Variants in TJAP1 observed in about 807,000 individuals in gnomAD.
TJAP1 encodes tight junction-associated protein 1.
TJAP1 carries 27 observed loss-of-function variants against 42.0 expected under a neutral mutation model. That is an observed-to-expected ratio of 0.64 (90% CI 0.47 to 0.89). The LOEUF is 0.89. TJAP1 is among the 40% of genes least tolerant of loss of function. TJAP1 has a pLI of 0.00. For missense variants in TJAP1, 712 were observed against 726.9 expected (o/e 0.98, Z 0.24); for synonymous variants, 257 against 288.4 (o/e 0.89, Z 1.10).
chr6:43,481,385 C>T (rs894153542), intron 2 of TJAP1, among the ~76,000 whole-genome samples: 1 of 151,690 alleles, frequency 6.6e-6, no homozygotes, highest in African/African-American at 2.4e-5. Context: ...GTATAAGGCT[C>T]ATTTCTGACT....
chr6:43,495,351 G>T lies in TJAP1; in HGVS notation c.-121-2530G>T, dbSNP rs767554753. On this transcript the variant is annotated intron_variant, in intron 2 of 10. Coordinates refer to ENST00000372449, the Ensembl canonical transcript of TJAP1. This position sits in a 1 kb window ranked among gnomAD's most constrained non-coding sequence, Gnocchi z 4.6. ...AGGACTGTGGGCTGCCAGGCCCGTTGTATTCCTGTTCATTGCTGGAACTGT... is the reference window on the plus strand; with the variant it reads ...AGGACTGTGGGCTGCCAGGCCCGTTTTATTCCTGTTCATTGCTGGAACTGT... 6.6e-6 allele frequency among the ~76,000 whole-genome samples: 1 copy of T among 152,256 alleles called. No homozygotes were observed. The highest frequency in any genetic ancestry group is 1.5e-5 in the Non-Finnish European group (1 of 68,032).
Position 43,503,867 on chromosome 6 carries a change from G to A in TJAP1, c.579+161G>A, listed in dbSNP as rs750171568. 8.2e-6 allele frequency: 6 copies of A among 733,816 alleles called. No homozygotes were observed. In the African/African-American group the frequency reaches 1.0e-4, roughly 13 times the overall value. The allele number at this position is 733,816 out of a possible 1,614,324, so 45.5% of individuals were successfully genotyped here. A position where few individuals can be genotyped will look rare whatever the true frequency, so the allele number is the denominator to read the frequency against. ...AAGCCAGTCAACTCTGCCACTGGTT[G>A]GTGTCCCGTGTACTGTCCAGGGCCC... On this transcript the variant is annotated intron_variant, in intron 10 of 10. Transcript: ENST00000372449.
chr6:43,504,621 T>C (rs1186525187), intron 10 of TJAP1, 140 bp from the exon 11 acceptor site: 4 of 1,083,534 alleles, frequency 3.7e-6, no homozygotes, highest in Admixed American at 2.2e-5. Context: ...GTATACACAC[T>C]GGCATGCTGT....
At chr6:43,502,074 A>T (rs112194373) in intron 6 of TJAP1, among the ~76,000 whole-genome samples, 1,395 of 94,644 alleles carry the variant, frequency 0.015, 115 homozygotes, top group African/African-American at 0.064. Flanking sequence ...ACACACACAC[A>T]CACTCTCTCT....
intron 2 of TJAP1, among the ~76,000 whole-genome samples, chr6:43,487,185 C>T (rs1028690112): frequency 1.3e-5 from 2 of 152,116 alleles, no homozygotes; most frequent in Non-Finnish European, 2.9e-5. Context: ...GACATGGCCC[C>T]TCTTTGTGAG....
Position 43,504,756 on chromosome 6 carries a change from C to A in TJAP1, c.580-5C>A. The A allele has an allele frequency of 6.2e-7, 1 of 1,605,544 alleles. No individual in the cohort carries two copies. The highest frequency in any genetic ancestry group is 8.5e-7 in the Non-Finnish European group (1 of 1,173,546). On this transcript the variant is annotated splice_polypyrimidine_tract_variant and splice_region_variant and intron_variant, in intron 10 of 10. Transcript: ENST00000372449. ...ATGTCTCTCTTTCCTGCTCTTTTAC[C>A]TCAGCTGCCCTGTGAGCTACAGGAC...
intron 2 of TJAP1, among the ~76,000 whole-genome samples, chr6:43,483,028 A>G (rs1785630232): frequency 6.6e-6 from 1 of 152,150 alleles, no homozygotes. Flanking sequence ...AGGTTGAGGC[A>G]GGAGAATCAC....
intron 6 of TJAP1, 100 bp downstream of exon 6, chr6:43,501,787 C>CTCTG: frequency 1.5e-6 from 1 of 660,218 alleles, no homozygotes; most frequent in Non-Finnish European, 2.8e-6. Flanking sequence ...CTCTCTGTGT[C>CTCTG]TCTGTCTCTC....
chr6:43,487,580 C>T (rs1426992006), intron 2 of TJAP1, among the ~76,000 whole-genome samples: 1 of 152,022 alleles, frequency 6.6e-6, no homozygotes, highest in African/African-American at 2.4e-5. Flanking sequence ...GGAGAGCTCC[C>T]TATTCTTTGT....
intron 6 of TJAP1, among the ~76,000 whole-genome samples, 173 bp from the exon 7 acceptor site, chr6:43,502,107 CTCT>C (rs1791039655): frequency 6.6e-6 from 1 of 150,544 alleles, no homozygotes; most frequent in Middle Eastern, 3.2e-3. Flanking sequence ...CTCTCTCTCT[CTCT>C]CCTTTCATAG....
intron 4 of TJAP1, 32 bp from the exon 5 acceptor site, chr6:43,500,712 A>G (rs1376019960): frequency 1.4e-5 from 23 of 1,613,918 alleles, no homozygotes; most frequent in Non-Finnish European, 1.9e-5. Context: ...AGTGGTCCAG[A>G]GCTGAGCCTC....
rs1260826033 is a variant in TJAP1, at chr6:43,505,040, C to T, written c.859C>T (p.Pro287Ser). 1.2e-6 allele frequency: 2 copies of T among 1,614,068 alleles called. No individual in the cohort carries two copies. Among genetic ancestry groups the T allele is most frequent in the South Asian group, 1.1e-5 (1 of 91,084 alleles). The change falls in exon 11 of 11, where the codon CCC becomes TCC. Residue 287 changes from proline (P) to serine (S), a missense_variant. Pro to Ser is a moderately conservative substitution (Grantham distance 74, BLOSUM62 -1). Around this residue, in one of 3 missense-constraint regions of TJAP1, gnomAD observed 549 missense variants for 528.2 expected, o/e 1.04. Transcript: ENST00000372449. The surrounding 1 kb of genome is among the most constrained non-coding windows in gnomAD (Gnocchi z 5.5). ...GGCCCCTGGCAGCCCCACCCCACAA[C>T]CCAATGGGGAGTGCCACTCTCTGGG...
At chr6:43,503,852 A>C (rs1258539843) in intron 10 of TJAP1, 146 bp downstream of exon 10, 12 of 753,162 alleles carry the variant, frequency 1.6e-5, no homozygotes, top group Non-Finnish European at 2.9e-5. Flanking sequence ...AAGCCAGTCA[A>C]CTCTGCCACT....
chr6:43,505,958 T>C lies in TJAP1; in HGVS notation c.*103T>C. On this transcript the variant is annotated 3_prime_UTR_variant, in exon 11 of 11. Coordinates refer to ENST00000372449, the Ensembl canonical transcript of TJAP1. The surrounding 1 kb of genome is among the most constrained non-coding windows in gnomAD (Gnocchi z 5.5). ...GTCCAAGCCCTTGACCTCTCCTCTA[T>C]CCAGACCCGCACAGCTGTTTCCTGT... is the stretch of plus-strand genomic sequence containing the variant. 1 of 1,263,080 alleles carries C rather than the reference T, an allele frequency of 7.9e-7. No homozygotes were observed. The highest frequency in any genetic ancestry group is 2.1e-5 in the South Asian group (1 of 47,160). The allele number at this position is 1,263,080 out of a possible 1,614,324, so 78.2% of individuals were successfully genotyped here.
intron 5 of TJAP1, 48 bp from the exon 6 acceptor site, chr6:43,501,478 T>C (rs1561814085): frequency 6.4e-7 from 1 of 1,554,412 alleles, no homozygotes; most frequent in East Asian, 2.3e-5. Context: ...GGGCATGCCC[T>C]TCTATCTCTC....
At chr6:43,485,827 C>T (rs544992852) in intron 2 of TJAP1, among the ~76,000 whole-genome samples, 14 of 152,214 alleles carry the variant, frequency 9.2e-5, no homozygotes, top group Non-Finnish European at 1.5e-4. Flanking sequence ...CTTTTGCACC[C>T]TCAGGAAGGA....
At chr6:43,499,137 G>T (rs1488653525) in intron 4 of TJAP1, 37 bp downstream of exon 4, 1 of 1,609,960 alleles carries the variant, frequency 6.2e-7, no homozygotes, top group Non-Finnish European at 8.5e-7. Context: ...ACCGGCAGAG[G>T]CAAGGCCCCT....
chr6:43,486,933 G>A (rs1351910820), intron 2 of TJAP1, among the ~76,000 whole-genome samples: 1 of 152,236 alleles, frequency 6.6e-6, no homozygotes, highest in Non-Finnish European at 1.5e-5. Flanking sequence ...CTGGGTGTGA[G>A]AATGTGCATT....
In TJAP1 at chr6:43,495,592, C is replaced by T. The variant is rs1474977554; in HGVS notation, c.-121-2289C>T. The stretch of plus-strand genomic sequence containing the variant: ...CTGCTTCCTTAGTTGGGAGTGGTTT[C>T]CCATACCTGTAACTCTGACATGCGT... On this transcript the variant is annotated intron_variant, in intron 2 of 10. Transcript: ENST00000372449. This position sits in a 1 kb window ranked among gnomAD's most constrained non-coding sequence, Gnocchi z 4.6. Among the ~76,000 whole-genome samples the T allele has an allele frequency of 2.0e-5, 3 of 152,144 alleles. No individual in the cohort carries two copies. Among genetic ancestry groups the T allele is most frequent in the Non-Finnish European group, 2.9e-5 (2 of 68,018 alleles).
Sources: gnomAD v4.1 joint callset for allele counts (sites outside exome capture counted in the v4.1 genomes callset) on GRCh38, gnomAD v4.1.1 for gene constraint, gnomAD v4.1.1 regional missense constraint, Gnocchi (gnomAD v3.1) non-coding constraint, MANE v1.5 for transcripts, NCBI Gene and HGNC (gene_info 2026-07-23, HGNC 2026-07-21) for gene names.